CAPN2: variants seen among roughly 807,000 people sequenced by gnomAD.
The protein encoded by CAPN2 is calpain-2 catalytic subunit.
CAPN2 carries 92 observed loss-of-function variants against 102.3 expected under a neutral mutation model. The observed-to-expected ratio is 0.90, with a 90% CI of 0.76 to 1.07. The LOEUF is 1.07. CAPN2 is among the 50% of genes least tolerant of loss of function. The pLI is 0.00. For synonymous variants in CAPN2, 340 were observed against 355.4 expected (o/e 0.96, Z 0.49); for missense variants, 800 against 909.4 (o/e 0.88, Z 1.55).
intron 2 of CAPN2, among the ~76,000 whole-genome samples, chr1:223,718,081 A>C (rs930680344): frequency 6.6e-5 from 10 of 152,234 alleles, no homozygotes; most frequent in African/African-American, 2.4e-4. Flanking sequence ...AGATGCTGCC[A>C]CTAGGAGGAC....
chr1:223,761,268 C>T (rs1661178285), intron 12 of CAPN2, among the ~76,000 whole-genome samples: 2 of 152,364 alleles, frequency 1.3e-5, no homozygotes, highest in South Asian at 2.1e-4. Context: ...CAGCTGCCCA[C>T]GTTGCTTTGG....
At chr1:223,739,506 GC>G (rs1036351975) in intron 2 of CAPN2, among the ~76,000 whole-genome samples, 52 of 152,246 alleles carry the variant, frequency 3.4e-4, no homozygotes, top group Non-Finnish European at 6.9e-4. Flanking sequence ...TTGTACCTGA[GC>G]AGGAAGGCTA....
chr1:223,718,746 C>T (rs2102775493), intron 2 of CAPN2, among the ~76,000 whole-genome samples: 1 of 152,370 alleles, frequency 6.6e-6, no homozygotes, highest in South Asian at 2.1e-4. Context: ...CTCCTGTCCT[C>T]ACCCACCTAG....
At chr1:223,745,221 G>A (rs1660723533) in intron 3 of CAPN2, 85 bp from the exon 4 acceptor site, 8 of 1,580,350 alleles carry the variant, frequency 5.1e-6, no homozygotes, top group Non-Finnish European at 6.0e-6. Flanking sequence ...AGGGGATCAG[G>A]GCAAGGGGAG....
chr1:223,714,845 C>T (rs1212126779), intron 1 of CAPN2, among the ~76,000 whole-genome samples: 1 of 152,142 alleles, frequency 6.6e-6, no homozygotes, highest in Admixed American at 6.5e-5. Flanking sequence ...AGAGACAGGT[C>T]CCCCAACAGT....
At position 223,714,206 on chromosome 1, in the gene CAPN2, A is replaced by C. The variant is rs565988465; in HGVS notation, c.237+1329A>C. ...CATTGTCACAGTTTAGAATATAATCACATGTATTTGTTCTTCCTACTGAAC... is the reference window on the plus strand; with the variant it reads ...CATTGTCACAGTTTAGAATATAATCCCATGTATTTGTTCTTCCTACTGAAC... On this transcript the variant is annotated intron_variant, in intron 1 of 20. Coordinates refer to ENST00000295006, the MANE Select transcript of CAPN2 (RefSeq NM_001748.5). Among the ~76,000 whole-genome samples the C allele has an allele frequency of 4.0e-4, 61 of 152,282 alleles. 1 individual carries two copies. The highest frequency in any genetic ancestry group is 1.4e-3 in the African/African-American group (60 of 41,562).
intron 2 of CAPN2, among the ~76,000 whole-genome samples, chr1:223,742,772 T>C (rs188135638): frequency 6.6e-6 from 1 of 152,256 alleles, no homozygotes; most frequent in African/African-American, 2.4e-5. Flanking sequence ...CCACTGACCT[T>C]GGCCTCCCAA....
chr1:223,744,900 C>G (rs562637759), intron 3 of CAPN2, among the ~76,000 whole-genome samples: 1 of 151,792 alleles, frequency 6.6e-6, no homozygotes, highest in South Asian at 2.1e-4. Context: ...AAAAAATTAG[C>G]CGGGTGTGGT....
intron 5 of CAPN2, 136 bp from the exon 6 acceptor site, chr1:223,748,903 G>A: frequency 1.3e-6 from 1 of 758,558 alleles, no homozygotes; most frequent in Non-Finnish European, 2.4e-6. Context: ...GCGCAGCCCT[G>A]AGCCTCCCAC....
At chr1:223,702,173 C>T (rs1395613613) in intron 1 of CAPN2, among the ~76,000 whole-genome samples, 1 of 150,520 alleles carries the variant, frequency 6.6e-6, no homozygotes, top group Non-Finnish European at 1.5e-5. Flanking sequence ...CGCCTGTAAT[C>T]CCAGCACTTT....
At chr1:223,734,760 C>T (rs1479273653) in intron 2 of CAPN2, among the ~76,000 whole-genome samples, 1 of 152,192 alleles carries the variant, frequency 6.6e-6, no homozygotes, top group Non-Finnish European at 1.5e-5. Flanking sequence ...ATAAAATTAG[C>T]AAATGAAAAG....
intron 2 of CAPN2, among the ~76,000 whole-genome samples, chr1:223,722,327 G>T (rs1475001375): frequency 2.1e-5 from 2 of 94,486 alleles, no homozygotes; most frequent in Non-Finnish European, 3.8e-5. Flanking sequence ...TTGCTCTGTT[G>T]CCCAGACTAA....
upstream of CAPN2, among the ~76,000 whole-genome samples, chr1:223,709,920 T>A (rs1309572116): frequency 6.6e-6 from 1 of 152,080 alleles, no homozygotes; most frequent in Non-Finnish European, 1.5e-5. Flanking sequence ...TTACTTAGAG[T>A]TACTTAGGTA....
upstream of CAPN2, among the ~76,000 whole-genome samples, chr1:223,710,073 G>A (rs964880758): frequency 2.6e-5 from 4 of 152,070 alleles, no homozygotes; most frequent in Admixed American, 6.6e-5. Context: ...TCAGGAATTC[G>A]AGACCAGCCT....
intron 16 of CAPN2, among the ~76,000 whole-genome samples, chr1:223,767,420 ATGAG>A (rs945190575): frequency 7.5e-6 from 1 of 132,942 alleles, no homozygotes; most frequent in Non-Finnish European, 1.5e-5. Flanking sequence ...ATTCCCACCT[ATGAG>A]TGAGAATATG....
chr1:223,755,429 C>T lies in CAPN2; in HGVS notation c.1136-51C>T, dbSNP rs1485948389. 5.6e-6 allele frequency: 9 copies of T among 1,600,474 alleles called. No homozygotes were observed. Among genetic ancestry groups the T allele is most frequent in the Non-Finnish European group, 6.0e-6 (7 of 1,170,746 alleles). The stretch of plus-strand genomic sequence containing the variant: ...CCTGAGACCAGGGCCACCCCCCACC[C>T]CCATGCATTCCTGCTCAGGGCTGGG... On this transcript the variant is annotated intron_variant, in intron 9 of 20. Coordinates refer to ENST00000295006, the MANE Select transcript of CAPN2 (RefSeq NM_001748.5). The surrounding 1 kb of genome is among the most constrained non-coding windows in gnomAD (Gnocchi z 4.1).
rs1204500708 is a variant in CAPN2 at position 223,712,736 on chromosome 1, C to G, written c.96C>G (p.Tyr32Ter). 1.9e-6 allele frequency: 3 copies of G among 1,587,254 alleles called. No individual in the cohort carries two copies. In the South Asian group the frequency reaches 3.4e-5, roughly 18 times the overall value. Residue 32 changes from tyrosine (Y) to a stop codon, truncating the protein, a stop_gained, in exon 1 of 21, where the codon TAC becomes TAG. Coordinates refer to ENST00000295006, the MANE Select transcript of CAPN2 (RefSeq NM_001748.5). LOFTEE classifies it high-confidence loss of function. ...CCATCAAGTACCTCAACCAGGACTA[C>G]GAGGCGCTGCGGAACGAGTGCCTGG... Reference protein sequence around the residue: ...DRAIKYLNQDYEALRNECLEA... With the variant: ...DRAIKYLNQD
In CAPN2 at chr1:223,761,636, A is replaced by T; in HGVS notation, c.1566+19A>T. The T allele has an allele frequency of 6.2e-7, 1 of 1,603,658 alleles. No individual in the cohort carries two copies. The highest frequency in any genetic ancestry group is 8.5e-7 in the Non-Finnish European group (1 of 1,170,950). On this transcript the variant is annotated intron_variant, in intron 13 of 20. Coordinates refer to ENST00000295006, the MANE Select transcript of CAPN2 (RefSeq NM_001748.5). ...TGAAGAGGTATTTGTAACTCTTTGA[A>T]TTTCACCCACTCTGTCCTGGACAAT...
chr1:223,756,788 C>T lies in CAPN2; in HGVS notation c.1306-581C>T, dbSNP rs993944983. 7.2e-5 allele frequency among the ~76,000 whole-genome samples: 11 copies of T among 152,208 alleles called. No homozygotes were observed. Among genetic ancestry groups the T allele is most frequent in the Admixed American group, 2.0e-4 (3 of 15,278 alleles). ...GAGGACTTCGGATCTGGGACAGAAT[C>T]GATCCAAGGACAATGCAAATGGAAT... is the stretch of plus-strand genomic sequence containing the variant. On this transcript the variant is annotated intron_variant, in intron 10 of 20. Coordinates refer to ENST00000295006, the MANE Select transcript of CAPN2 (RefSeq NM_001748.5). The surrounding 1 kb of genome is among the most constrained non-coding windows in gnomAD (Gnocchi z 4.1).
Sources: gnomAD v4.1 joint callset for allele counts (sites outside exome capture counted in the v4.1 genomes callset) on GRCh38, gnomAD v4.1.1 for gene constraint, Gnocchi (gnomAD v3.1) non-coding constraint, MANE v1.5 for transcripts, NCBI Gene and HGNC (gene_info 2026-07-23, HGNC 2026-07-21) for gene names.